The following NRXN1 variants were observed in gnomAD, a reference collection of about 807,000 sequenced individuals.
The protein encoded by NRXN1 is neurexin-1.
Under a neutral mutation model 150.9 loss-of-function variants are expected in NRXN1, and 39 were observed. The ratio of observed to expected loss-of-function variants is 0.26; its 90% confidence interval spans 0.20 to 0.34. The LOEUF (loss-of-function observed/expected upper bound fraction) is 0.34, where lower values mean the gene tolerates loss of function less well. Ranked by LOEUF, NRXN1 falls within the 10% of genes least tolerant of loss-of-function variation. The pLI is 1.00. For synonymous variants in NRXN1, 924 were observed against 757.0 expected, an observed-to-expected ratio of 1.22 and a Z score of -3.62; for missense variants, 1,815 against 1,949.9, an observed-to-expected ratio of 0.93 and a Z score of 1.30.
At chr2:50,392,844 T>C (rs1035164611) in intron 17 of NRXN1, among the ~76,000 whole-genome samples, 5 of 152,012 alleles carry the variant, frequency 3.3e-5, no homozygotes, top group Admixed American at 2.6e-4. Context: ...ATGAGCTTGG[T>C]ACAGTGGTGT....
chr2:50,448,168 G>C (rs768845659), intron 17 of NRXN1, among the ~76,000 whole-genome samples: 1 of 152,000 alleles, frequency 6.6e-6, no homozygotes, highest in Non-Finnish European at 1.5e-5. Flanking sequence ...CAAAGCAGGG[G>C]TTAGTCAGAT....
rs568161518 is a variant in NRXN1 at position 50,956,521 on chromosome 2, G to C, written c.773-30566C>G. 2.0e-4 allele frequency among the ~76,000 whole-genome samples: 30 copies of C among 152,148 alleles called. No individual in the cohort carries two copies. The East Asian group carries it at 5.6e-3, about 29-fold the overall frequency. Reference sequence around the variant, plus strand: ...CCAACACTTTGGGAGGCCAAGGTGGGCAAACTGCTTGAGCCCCAGAGTTCA... The same window carrying C: ...CCAACACTTTGGGAGGCCAAGGTGGCCAAACTGCTTGAGCCCCAGAGTTCA... On this transcript the variant is annotated intron_variant, in intron 2 of 22. Coordinates refer to ENST00000401669, the MANE Select transcript of NRXN1 (RefSeq NM_001330078.2).
intron 17 of NRXN1, among the ~76,000 whole-genome samples, chr2:50,337,696 AT>A (rs1183571531): frequency 1.3e-5 from 2 of 152,214 alleles, no homozygotes; most frequent in Non-Finnish European, 2.9e-5. Flanking sequence ...ATGAGGGAGA[AT>A]TGGGGTTGTG....
Position 49,973,999 on chromosome 2 carries a change from A to C in NRXN1, c.4129-30208T>G, listed in dbSNP as rs937534182. The stretch of plus-strand genomic sequence containing the variant: ...GTTTTCACAGTGCCATCTCATATCC[A>C]TGTCTGTCTGGCTACCCTGCGTGCT... On this transcript the variant is annotated intron_variant, in intron 21 of 22. Coordinates refer to ENST00000401669, the MANE Select transcript of NRXN1 (RefSeq NM_001330078.2). 4 of 717,262 alleles carry C rather than the reference A, an allele frequency of 5.6e-6. No homozygotes were observed. In the African/African-American group the frequency reaches 7.0e-5, roughly 13 times the overall value. 44.4% of individuals were successfully genotyped at this position (717,262 alleles called of 1,614,324 possible).
intron 5 of NRXN1, among the ~76,000 whole-genome samples, chr2:50,641,329 T>C (rs549336177): frequency 6.6e-6 from 1 of 152,214 alleles, no homozygotes; most frequent in Non-Finnish European, 1.5e-5. Flanking sequence ...CTGCTGCATG[T>C]TGGACTAATT....
chr2:50,098,801 C>G (rs1700579009), intron 18 of NRXN1, among the ~76,000 whole-genome samples: 1 of 135,106 alleles, frequency 7.4e-6, no homozygotes, highest in African/African-American at 2.8e-5. Context: ...AGGGTTACTA[C>G]AGGGTGCATG....
At chr2:50,748,240 T>A (rs1281614851) in intron 5 of NRXN1, among the ~76,000 whole-genome samples, 3 of 152,158 alleles carry the variant, frequency 2.0e-5, no homozygotes, top group Non-Finnish European at 4.4e-5. Context: ...GTTGCTCCTA[T>A]AGAAAGACTG....
intron 5 of NRXN1, among the ~76,000 whole-genome samples, chr2:50,875,104 G>A (rs1409771379): frequency 6.6e-5 from 10 of 151,748 alleles, no homozygotes; most frequent in Non-Finnish European, 1.5e-4. Context: ...AAATTCTCTA[G>A]TAGTATCAGA....
At chr2:50,317,306 A>C (rs1347812722) in intron 17 of NRXN1, among the ~76,000 whole-genome samples, 1 of 151,924 alleles carries the variant, frequency 6.6e-6, no homozygotes, top group Non-Finnish European at 1.5e-5. Flanking sequence ...AACCCTTACC[A>C]AGACAGACAG....
intron 5 of NRXN1, among the ~76,000 whole-genome samples, chr2:50,853,020 T>C (rs1400882755): frequency 6.6e-6 from 1 of 152,182 alleles, no homozygotes; most frequent in Non-Finnish European, 1.5e-5. Context: ...TGGCATGTTC[T>C]TAGTAAATAC....
chr2:50,450,523 A>G (rs974898482), intron 17 of NRXN1, among the ~76,000 whole-genome samples: 4 of 152,106 alleles, frequency 2.6e-5, no homozygotes, highest in African/African-American at 9.7e-5. Flanking sequence ...CAGGGACCCA[A>G]TCACTCCACT....
intron 17 of NRXN1, among the ~76,000 whole-genome samples, chr2:50,338,663 C>T (rs1205454775): frequency 6.6e-6 from 1 of 150,810 alleles, no homozygotes; most frequent in Non-Finnish European, 1.5e-5. Flanking sequence ...AGAAAAACCA[C>T]ATACTTCTTT....
intron 2 of NRXN1, among the ~76,000 whole-genome samples, chr2:50,969,940 G>A (rs911114613): frequency 2.0e-5 from 3 of 152,096 alleles, no homozygotes; most frequent in Admixed American, 2.0e-4. Flanking sequence ...GTACAGCAGT[G>A]CAGAAAAAAG....
At chr2:50,046,328 T>C (rs1691811781) in intron 21 of NRXN1, among the ~76,000 whole-genome samples, 1 of 152,188 alleles carries the variant, frequency 6.6e-6, no homozygotes, top group South Asian at 2.1e-4. Context: ...AGGGGAATGG[T>C]GCTGCCTCAT....
At chr2:50,180,725 C>T (rs1161653291) in intron 18 of NRXN1, among the ~76,000 whole-genome samples, 1 of 152,080 alleles carries the variant, frequency 6.6e-6, no homozygotes, top group African/African-American at 2.4e-5. Flanking sequence ...AACTTCCCAG[C>T]CTCTAGACCC....
intron 21 of NRXN1, among the ~76,000 whole-genome samples, chr2:50,050,396 G>A (rs114403508): frequency 0.012 from 1,808 of 152,000 alleles, 33 homozygotes; most frequent in African/African-American, 0.041. Context: ...TTTAAAACAT[G>A]CAATCACCCC....
intron 17 of NRXN1, among the ~76,000 whole-genome samples, chr2:50,336,405 T>C (rs2077194192): frequency 6.6e-6 from 1 of 152,216 alleles, no homozygotes; most frequent in African/African-American, 2.4e-5. Context: ...AACGACACAA[T>C]TTGATTTTTA....
At chr2:50,307,514 G>T (rs79355099) in intron 17 of NRXN1, among the ~76,000 whole-genome samples, 13,166 of 152,152 alleles carry the variant, frequency 0.087, 664 homozygotes, top group Middle Eastern at 0.14. Flanking sequence ...ATGCAGAAAG[G>T]TTGCAAATGA....
chr2:50,488,086 G>A (rs910634995), intron 15 of NRXN1, among the ~76,000 whole-genome samples: 1 of 152,058 alleles, frequency 6.6e-6, no homozygotes, highest in Non-Finnish European at 1.5e-5. Context: ...AAGAATTTAG[G>A]CCCTATCCTC....
Sources: gnomAD v4.1 joint callset for allele counts (sites outside exome capture counted in the v4.1 genomes callset) on GRCh38, gnomAD v4.1.1 for gene constraint, MANE v1.5 for transcripts, NCBI Gene and HGNC (gene_info 2026-07-23, HGNC 2026-07-21) for gene names.